The following EML5 variants were observed in gnomAD, a reference collection of about 807,000 sequenced individuals.
The protein encoded by EML5 is EMAP like 5.
Under a neutral mutation model 250.0 loss-of-function variants are expected in EML5, and 120 were observed. The observed-to-expected ratio is 0.48, with a 90% CI of 0.41 to 0.56. The LOEUF (loss-of-function observed/expected upper bound fraction) is 0.56, where lower values mean the gene tolerates loss of function less well. Among genes scored for constraint, EML5 ranks in the 20% least tolerant of loss-of-function variants. The pLI is 0.00. For synonymous variants in EML5, 771 were observed against 806.5 expected (o/e 0.96, Z 0.75); for missense variants, 2,006 against 2,437.6 (o/e 0.82, Z 3.73).
intron 11 of EML5, 130 bp from the exon 12 acceptor site, chr14:88,705,718 A>T (rs897916902): frequency 1.4e-6 from 1 of 724,326 alleles, no homozygotes; most frequent in Non-Finnish European, 2.4e-6. Context: ...AAATGAAATT[A>T]CCTATTCAAG....
intron 14 of EML5, among the ~76,000 whole-genome samples, chr14:88,699,109 G>C (rs1048265345): frequency 3.3e-5 from 5 of 152,160 alleles, no homozygotes; most frequent in African/African-American, 7.2e-5. Flanking sequence ...GGATGAAGGG[G>C]AGAAGGGAGA....
At chr14:88,670,400 C>G (rs965583846) in intron 21 of EML5, among the ~76,000 whole-genome samples, 1 of 151,394 alleles carries the variant, frequency 6.6e-6, no homozygotes, top group African/African-American at 2.4e-5. Flanking sequence ...CTGCAAAAAC[C>G]CCATCCAAAG....
intron 11 of EML5, 83 bp from the exon 12 acceptor site, chr14:88,705,671 T>C (rs1402384386): frequency 4.0e-6 from 4 of 992,034 alleles, no homozygotes; most frequent in Non-Finnish European, 6.1e-6. Context: ...GATTAAGAGC[T>C]ATGTCAGTTG....
At chr14:88,675,664 C>A (rs912423762) in intron 21 of EML5, among the ~76,000 whole-genome samples, 3 of 152,218 alleles carry the variant, frequency 2.0e-5, no homozygotes, top group African/African-American at 7.2e-5. Context: ...TTTATGCAAA[C>A]TTCTGCAGCT....
chr14:88,647,679 G>A (rs2091418041), intron 28 of EML5, among the ~76,000 whole-genome samples: 2 of 82,000 alleles, frequency 2.4e-5, no homozygotes, highest in Non-Finnish European at 3.9e-5. Context: ...AACAGAGTGA[G>A]ACCGTCTCAA....
intron 17 of EML5, among the ~76,000 whole-genome samples, chr14:88,692,102 C>T (rs375028510): frequency 2.0e-5 from 3 of 152,082 alleles, no homozygotes; most frequent in Non-Finnish European, 4.4e-5. Context: ...GGGCTGGGCA[C>T]GGTGGCTCAT....
chr14:88,649,840 C>T (rs2091536325), intron 28 of EML5, 72 bp downstream of exon 28: 9 of 1,250,340 alleles, frequency 7.2e-6, no homozygotes, highest in Non-Finnish European at 2.2e-6. Context: ...GAAAAAATAC[C>T]TTAAAATACC....
chr14:88,691,050 C>G (rs573010502), intron 17 of EML5, among the ~76,000 whole-genome samples: 4 of 152,322 alleles, frequency 2.6e-5, no homozygotes, highest in Admixed American at 1.3e-4. Flanking sequence ...AGAGTCTGGG[C>G]TGGTCCCCAC....
intron 35 of EML5, 157 bp downstream of exon 35, chr14:88,626,681 G>A: frequency 1.3e-6 from 1 of 754,096 alleles, no homozygotes; most frequent in Middle Eastern, 3.9e-4. Context: ...ATTTCTGAAA[G>A]AACTAGATTT....
chr14:88,697,805 G>A (rs368925393), intron 14 of EML5, among the ~76,000 whole-genome samples: 90 of 151,952 alleles, frequency 5.9e-4, no homozygotes, highest in African/African-American at 2.0e-3. Context: ...GCGCTATCTC[G>A]GCTCACCGCA....
At chr14:88,665,146 A>G (rs897571475) in intron 22 of EML5, among the ~76,000 whole-genome samples, 191 bp downstream of exon 22, 1 of 152,210 alleles carries the variant, frequency 6.6e-6, no homozygotes, top group African/African-American at 2.4e-5. Context: ...AAAATTTAGT[A>G]ACAGAATTGG....
At chr14:88,773,871 C>A (rs533972577) in intron 1 of EML5, among the ~76,000 whole-genome samples, 9 of 152,210 alleles carry the variant, frequency 5.9e-5, no homozygotes, top group Non-Finnish European at 8.8e-5. Flanking sequence ...GTGATCCTAG[C>A]ATTTTGGGAG....
chr14:88,618,108 T>C, intron 41 of EML5, 120 bp downstream of exon 41: 1 of 681,482 alleles, frequency 1.5e-6, no homozygotes, highest in Non-Finnish European at 2.4e-6. Flanking sequence ...CAAAATATGG[T>C]AACAAAAACT....
intron 8 of EML5, among the ~76,000 whole-genome samples, chr14:88,718,149 T>A (rs2093531785): frequency 6.6e-6 from 1 of 151,974 alleles, no homozygotes; most frequent in Non-Finnish European, 1.5e-5. Context: ...AGACAGATGA[T>A]CAGTTTGGGA....
chr14:88,660,024 C>A (rs1030567443), intron 25 of EML5, among the ~76,000 whole-genome samples: 35 of 151,928 alleles, frequency 2.3e-4, no homozygotes, highest in Non-Finnish European at 7.4e-5. Flanking sequence ...GCCTGTAATC[C>A]CACCACTTTA....
At chr14:88,647,367 C>CA (rs906970147) in intron 28 of EML5, among the ~76,000 whole-genome samples, 15 of 149,094 alleles carry the variant, frequency 1.0e-4, no homozygotes, top group African/African-American at 1.5e-4. Context: ...GACTCCATCT[C>CA]AAAAAAAAGA....
intron 21 of EML5, among the ~76,000 whole-genome samples, chr14:88,671,738 C>T (rs530012247): frequency 6.6e-6 from 1 of 152,208 alleles, no homozygotes; most frequent in South Asian, 2.1e-4. Flanking sequence ...CAGGAAAAAG[C>T]AGGGAGTGCA....
At chr14:88,627,153 A>G (rs759887516) in intron 34 of EML5, 107 bp from the exon 35 acceptor site, 3 of 1,110,040 alleles carry the variant, frequency 2.7e-6, no homozygotes, top group Non-Finnish European at 4.0e-6. Context: ...GGCTTAGAAG[A>G]GAGGCCAATG....
intron 21 of EML5, among the ~76,000 whole-genome samples, chr14:88,672,402 T>A (rs998333630): frequency 6.6e-6 from 1 of 152,078 alleles, no homozygotes; most frequent in African/African-American, 2.4e-5. Flanking sequence ...AAAGCAGTTT[T>A]AAGAGGGAAA....
Sources: gnomAD v4.1 joint callset for allele counts (sites outside exome capture counted in the v4.1 genomes callset) on GRCh38, gnomAD v4.1.1 for gene constraint, MANE v1.5 for transcripts, NCBI Gene and HGNC (gene_info 2026-07-23, HGNC 2026-07-21) for gene names.